TNS3: variants seen among roughly 807,000 people sequenced by gnomAD.
The protein encoded by TNS3 is tensin 3.
TNS3 carries 45 observed loss-of-function variants against 140.9 expected under a neutral mutation model. The ratio of observed to expected loss-of-function variants is 0.32; its 90% CI spans 0.25 to 0.41. The LOEUF (loss-of-function observed/expected upper bound fraction) is 0.41. TNS3 is among the 10% of genes least tolerant of loss of function. The probability of loss-of-function intolerance (pLI) is 1.00; values close to 1 mark genes in which losing one functional copy is unlikely to be tolerated. For synonymous variants in TNS3, 815 were observed against 788.4 expected (o/e 1.03, Z -0.56); for missense variants, 1,716 against 1,906.7 (o/e 0.90, Z 1.86).
intron 20 of TNS3, among the ~76,000 whole-genome samples, chr7:47,314,466 G>A (rs1036513171): frequency 3.9e-5 from 6 of 152,192 alleles, no homozygotes; most frequent in African/African-American, 1.4e-4. Context: ...GCTGGGGGAG[G>A]TGCACCAAAA....
Position 47,405,382 on chromosome 7 carries a change from C to G in TNS3, c.724-4468G>C, listed in dbSNP as rs747544151. On this transcript the variant is annotated intron_variant, in intron 13 of 30. Transcript: ENST00000311160. ...TGGCCCAGGCAACTGTCTACGCAGG[C>G]CTCAAGGAATCTGTGAACTCAGAGA... The G allele has an allele frequency of 7.8e-6, 5 of 643,948 alleles. No homozygotes were observed. In the Admixed American group the frequency reaches 1.2e-4, roughly 15 times the overall value. The allele number at this position is 643,948 out of a possible 1,614,324, so 39.9% of individuals were successfully genotyped here.
chr7:47,468,790 C>T (rs531891404), intron 4 of TNS3, among the ~76,000 whole-genome samples: 1 of 152,274 alleles, frequency 6.6e-6, no homozygotes, highest in South Asian at 2.1e-4. Context: ...CAAAGCAATC[C>T]TAAGCAAAAA....
intron 20 of TNS3, among the ~76,000 whole-genome samples, chr7:47,320,636 T>C (rs1463667526): frequency 6.6e-6 from 1 of 152,156 alleles, no homozygotes; most frequent in Non-Finnish European, 1.5e-5. Flanking sequence ...CGCCCCCTTC[T>C]ACAGGGACAC....
At chr7:47,421,813 A>T (rs910795927) in intron 10 of TNS3, among the ~76,000 whole-genome samples, 1 of 152,206 alleles carries the variant, frequency 6.6e-6, no homozygotes, top group Non-Finnish European at 1.5e-5. Flanking sequence ...ATGGCGTTTC[A>T]GTGTAACAAA....
chr7:47,574,615 C>G (rs1340891069), intron 1 of TNS3, among the ~76,000 whole-genome samples: 2 of 131,434 alleles, frequency 1.5e-5, no homozygotes, highest in Non-Finnish European at 3.3e-5. Context: ...ACAAAATGTG[C>G]TATTCATACA....
intron 16 of TNS3, among the ~76,000 whole-genome samples, chr7:47,373,292 T>C (rs1327998162): frequency 6.6e-6 from 1 of 152,248 alleles, no homozygotes; most frequent in African/African-American, 2.4e-5. Flanking sequence ...GTTTTACGTT[T>C]ACAAAATGGA....
chr7:47,545,600 A>G (rs1469958340), intron 1 of TNS3, among the ~76,000 whole-genome samples: 1 of 152,188 alleles, frequency 6.6e-6, no homozygotes. Context: ...TCCCATGGGA[A>G]GGCTGGGGCA....
chr7:47,435,766 C>A (rs982185819), intron 7 of TNS3, among the ~76,000 whole-genome samples: 1 of 152,190 alleles, frequency 6.6e-6, no homozygotes, highest in African/African-American at 2.4e-5. Flanking sequence ...AATCTCCCCA[C>A]TCGGGTTAAA....
At chr7:47,393,009 G>A (rs1792618763) in intron 16 of TNS3, among the ~76,000 whole-genome samples, 1 of 152,194 alleles carries the variant, frequency 6.6e-6, no homozygotes, top group Non-Finnish European at 1.5e-5. Context: ...GCCCCTCTAA[G>A]GGAATCCAGT....
intron 14 of TNS3, 133 bp downstream of exon 14, chr7:47,400,652 T>C: frequency 6.8e-7 from 1 of 1,461,482 alleles, no homozygotes; most frequent in Non-Finnish European, 9.3e-7. Context: ...ATGATCATTT[T>C]CTCCTACTTT....
intron 1 of TNS3, among the ~76,000 whole-genome samples, chr7:47,577,290 G>C (rs370472411): frequency 6.6e-6 from 1 of 152,238 alleles, no homozygotes; most frequent in African/African-American, 2.4e-5. Flanking sequence ...TGCAAAGGGC[G>C]TATTAAGTGC....
intron 17 of TNS3, among the ~76,000 whole-genome samples, chr7:47,354,690 C>G (rs1789887288): frequency 6.6e-6 from 1 of 152,170 alleles, no homozygotes; most frequent in Non-Finnish European, 1.5e-5. Context: ...TTGAAACCCC[C>G]AGTGAACACA....
intron 9 of TNS3, among the ~76,000 whole-genome samples, chr7:47,427,919 GC>G (rs1458181300): frequency 6.6e-6 from 1 of 152,176 alleles, no homozygotes; most frequent in African/African-American, 2.4e-5. Context: ...AAAAGAGGTG[GC>G]TGTCATCATC....
intron 16 of TNS3, among the ~76,000 whole-genome samples, chr7:47,390,144 T>C (rs1792426908): frequency 6.6e-6 from 1 of 152,166 alleles, no homozygotes; most frequent in Non-Finnish European, 1.5e-5. Flanking sequence ...GCACTGTGTA[T>C]ACCCAAGCAC....
At chr7:47,469,343 A>G (rs1562778594) in intron 4 of TNS3, among the ~76,000 whole-genome samples, 1 of 152,262 alleles carries the variant, frequency 6.6e-6, no homozygotes, top group Non-Finnish European at 1.5e-5. Context: ...TATGCATCCA[A>G]CAAAGGCTGA....
intron 9 of TNS3, among the ~76,000 whole-genome samples, chr7:47,427,478 G>C (rs1170612072): frequency 6.6e-6 from 1 of 152,194 alleles, no homozygotes; most frequent in Non-Finnish European, 1.5e-5. Context: ...TTTACAAAGA[G>C]GCCATTGAGA....
chr7:47,439,154 G>A (rs1224558141), intron 6 of TNS3, among the ~76,000 whole-genome samples: 3 of 152,188 alleles, frequency 2.0e-5, no homozygotes, highest in East Asian at 1.9e-4. Flanking sequence ...CTCTTGATAC[G>A]AGGGATGCAG....
chr7:47,381,516 C>T (rs1382011282), intron 16 of TNS3, among the ~76,000 whole-genome samples: 1 of 152,146 alleles, frequency 6.6e-6, no homozygotes, highest in African/African-American at 2.4e-5. Flanking sequence ...CAGAATATGA[C>T]ACAGCAAACA....
chr7:47,573,781 C>T (rs1800612469), intron 1 of TNS3, among the ~76,000 whole-genome samples: 1 of 152,142 alleles, frequency 6.6e-6, no homozygotes, highest in Non-Finnish European at 1.5e-5. Flanking sequence ...CCTCCTTGAG[C>T]CCCCAAATCC....
Sources: gnomAD v4.1 joint callset for allele counts (sites outside exome capture counted in the v4.1 genomes callset) on GRCh38, gnomAD v4.1.1 for gene constraint, MANE v1.5 for transcripts, NCBI Gene and HGNC (gene_info 2026-07-23, HGNC 2026-07-21) for gene names.